The following AIG1 variants were observed in gnomAD, a reference collection of about 807,000 sequenced individuals.
AIG1 encodes androgen induced 1, also known as androgen-induced gene 1 protein.
A neutral mutation model predicts 31.4 loss-of-function variants in AIG1; 23 were observed. That is an observed-to-expected ratio of 0.73 (90% CI 0.53 to 1.04). AIG1 has a LOEUF of 1.04. Ranked by LOEUF, AIG1 falls within the 50% of genes least tolerant of loss-of-function variation. The probability of loss-of-function intolerance (pLI) is 0.00; values close to 1 mark genes in which losing one functional copy is unlikely to be tolerated. For missense variants in AIG1, 274 were observed against 295.0 expected, an observed-to-expected ratio of 0.93 and a Z score of 0.52; for synonymous variants, 100 against 110.5, an observed-to-expected ratio of 0.90 and a Z score of 0.60.
At chr6:143,322,280 C>CAG (rs959884563) in intron 4 of AIG1, among the ~76,000 whole-genome samples, 4 of 152,066 alleles carry the variant, frequency 2.6e-5, no homozygotes, top group African/African-American at 2.4e-5. Flanking sequence ...TAAGCGATGC[C>CAG]AGAGAGAGAC....
At chr6:143,140,370 C>T (rs1784145383) in intron 2 of AIG1, among the ~76,000 whole-genome samples, 1 of 151,896 alleles carries the variant, frequency 6.6e-6, no homozygotes, top group Non-Finnish European at 1.5e-5. Context: ...TGTGATTTTT[C>T]GTCTTTCTGT....
At chr6:143,275,925 T>G (rs933631849) in intron 3 of AIG1, among the ~76,000 whole-genome samples, 1 of 152,178 alleles carries the variant, frequency 6.6e-6, no homozygotes, top group African/African-American at 2.4e-5. Context: ...TGGTACAACA[T>G]GGGTCATCTC....
rs534196168 is a variant in AIG1 at position 143,062,707 on chromosome 6, C to T, written c.141+1641C>T. On this transcript the variant is annotated intron_variant, in intron 1 of 5. Coordinates refer to ENST00000357847, the MANE Select transcript of AIG1 (RefSeq NM_016108.4). ...TGAAGCAAGCATACCACCCATAGAG[C>T]GCCAGAAAGATGTCCCTTTTTCAAG... 1.2e-4 allele frequency among the ~76,000 whole-genome samples: 18 copies of T among 152,264 alleles called. No individual in the cohort carries two copies. The South Asian group carries it at 3.3e-3, about 28-fold the overall frequency.
At chr6:143,088,526 G>A (rs778943543) in intron 1 of AIG1, among the ~76,000 whole-genome samples, 8 of 152,192 alleles carry the variant, frequency 5.3e-5, no homozygotes, top group East Asian at 1.9e-4. Flanking sequence ...AATATAGCAC[G>A]AAACGTGTAG....
At chr6:143,195,120 G>A (rs184713377) in intron 3 of AIG1, among the ~76,000 whole-genome samples, 202 of 152,284 alleles carry the variant, frequency 1.3e-3, no homozygotes, top group Non-Finnish European at 2.2e-3. Flanking sequence ...TTGGAAGGGT[G>A]GAGAAGTGAA....
chr6:143,103,568 C>T (rs1234623211), intron 1 of AIG1, among the ~76,000 whole-genome samples: 2 of 124,492 alleles, frequency 1.6e-5, no homozygotes, highest in East Asian at 2.7e-4. Flanking sequence ...AGTGCAGTGG[C>T]GGGATCTCGG....
At chr6:143,099,317 C>T (rs1780050243) in intron 1 of AIG1, among the ~76,000 whole-genome samples, 1 of 152,212 alleles carries the variant, frequency 6.6e-6, no homozygotes, top group Non-Finnish European at 1.5e-5. Context: ...AATGTAGATA[C>T]TCTGTCTGCA....
intron 4 of AIG1, among the ~76,000 whole-genome samples, chr6:143,287,491 G>A (rs1402374135): frequency 6.6e-6 from 1 of 152,092 alleles, no homozygotes; most frequent in Non-Finnish European, 1.5e-5. Flanking sequence ...CTGTTAACCG[G>A]ACCCTCCACT....
At chr6:143,157,154 A>G (rs564720518) in intron 2 of AIG1, among the ~76,000 whole-genome samples, 113 of 152,396 alleles carry the variant, frequency 7.4e-4, no homozygotes, top group African/African-American at 2.6e-3. Flanking sequence ...AAATGAAATT[A>G]AAAAACCTTT....
At chr6:143,124,441 C>A (rs1782512457) in intron 1 of AIG1, among the ~76,000 whole-genome samples, 1 of 152,194 alleles carries the variant, frequency 6.6e-6, no homozygotes, top group Non-Finnish European at 1.5e-5. Context: ...ACTACATGCT[C>A]CAGGTCTCCT....
intron 3 of AIG1, among the ~76,000 whole-genome samples, chr6:143,181,195 A>G (rs1189991142): frequency 2.0e-5 from 3 of 152,234 alleles, no homozygotes; most frequent in African/African-American, 7.2e-5. Context: ...CCAATTTTCC[A>G]CACGTATTCT....
intron 1 of AIG1, among the ~76,000 whole-genome samples, chr6:143,080,253 G>A (rs1168319093): frequency 6.6e-6 from 1 of 152,192 alleles, no homozygotes; most frequent in Non-Finnish European, 1.5e-5. Context: ...TGGGAGGGGT[G>A]CCTTCAATGT....
rs1798082696 is a variant in AIG1 at position 143,291,833 on chromosome 6, G to A, written c.515+7608G>A. ...AGGGTGAGGGAAGGAGAGCATTAGA[G>A]GCCACTGGAAAGACTGTCCTTAATT... On this transcript the variant is annotated intron_variant, in intron 4 of 5. Transcript: ENST00000357847. This position sits in a 1 kb window ranked among gnomAD's most constrained non-coding sequence, Gnocchi z 4.2. Among the ~76,000 whole-genome samples, 1 of 152,186 alleles carries A rather than the reference G, an allele frequency of 6.6e-6. No homozygotes were observed. Among genetic ancestry groups the A allele is most frequent in the Admixed American group, 6.5e-5 (1 of 15,274 alleles).
chr6:143,101,857 A>C (rs1780311084), intron 1 of AIG1, among the ~76,000 whole-genome samples: 1 of 152,150 alleles, frequency 6.6e-6, no homozygotes. Context: ...AAACAAGAAA[A>C]CAAACAAAAA....
intron 3 of AIG1, among the ~76,000 whole-genome samples, chr6:143,172,448 C>G (rs569640728): frequency 6.6e-6 from 1 of 152,076 alleles, no homozygotes; most frequent in East Asian, 1.9e-4. Context: ...CTTTTTCACA[C>G]GTTGTTGGAT....
chr6:143,224,021 C>G (rs1186442975), intron 3 of AIG1, among the ~76,000 whole-genome samples: 1 of 152,124 alleles, frequency 6.6e-6, no homozygotes, highest in African/African-American at 2.4e-5. Context: ...CCTGCCCTGC[C>G]TCTTCTGTGT....
intron 2 of AIG1, 58 bp from the exon 3 acceptor site, chr6:143,165,022 TAA>T: frequency 7.7e-7 from 1 of 1,295,504 alleles, no homozygotes; most frequent in South Asian, 1.2e-5. Context: ...TGTTAACCAA[TAA>T]ATTGTATGTT....
At chr6:143,157,370 A>G (rs1763224447) in intron 2 of AIG1, among the ~76,000 whole-genome samples, 1 of 150,360 alleles carries the variant, frequency 6.7e-6, no homozygotes, top group Non-Finnish European at 1.5e-5. Context: ...TCTGATTCTC[A>G]TATTGGTATT....
rs1328737107 is a variant in AIG1 at position 143,165,306 on chromosome 6, T to C, written c.399+123T>C. On this transcript the variant is annotated intron_variant, in intron 3 of 5. Coordinates refer to ENST00000357847, the MANE Select transcript of AIG1 (RefSeq NM_016108.4). The stretch of plus-strand genomic sequence containing the variant: ...GCCATGAAATCTTGGAAGGTTATAA[T>C]GGGAGATTAAAATTAGAGAATACTG... 4 of 693,818 alleles carry C rather than the reference T, an allele frequency of 5.8e-6. No homozygotes were observed. In the African/African-American group the frequency reaches 7.2e-5, roughly 13 times the overall value. 43.0% of individuals were successfully genotyped at this position (693,818 alleles called of 1,614,324 possible). A position where few individuals can be genotyped will look rare whatever the true frequency, so the allele number is the denominator to read the frequency against.
Sources: gnomAD v4.1 joint callset for allele counts (sites outside exome capture counted in the v4.1 genomes callset) on GRCh38, gnomAD v4.1.1 for gene constraint, Gnocchi (gnomAD v3.1) non-coding constraint, MANE v1.5 for transcripts, NCBI Gene and HGNC (gene_info 2026-07-23, HGNC 2026-07-21) for gene names.